MYRIP: variants seen among roughly 807,000 people sequenced by gnomAD.
The protein encoded by MYRIP is rab effector MyRIP.
Under a neutral mutation model 98.0 loss-of-function variants are expected in MYRIP, and 49 were observed. The observed-to-expected ratio is 0.50, with a 90% confidence interval of 0.40 to 0.63. The LOEUF is 0.63. MYRIP is among the 30% of genes least tolerant of loss of function. MYRIP has a pLI of 0.00. For synonymous variants in MYRIP, 404 were observed against 409.5 expected (o/e 0.99, Z 0.16); for missense variants, 1,004 against 1,058.2 (o/e 0.95, Z 0.71).
intron 1 of MYRIP, among the ~76,000 whole-genome samples, chr3:39,814,114 T>C (rs1940792067): frequency 6.6e-6 from 1 of 152,216 alleles, no homozygotes; most frequent in Non-Finnish European, 1.5e-5. Context: ...GAGTGTGTCT[T>C]GGGCATATAT....
At position 39,820,525 on chromosome 3, in the gene MYRIP, G is replaced by A. The variant is rs565600322; in HGVS notation, c.-31+10609G>A. ...TGTAGCTCCAGCCTCAGAAAATATGGCAGGTGCTGCTTTTGTGTTTGTCTT... is the reference window on the plus strand; with the variant it reads ...TGTAGCTCCAGCCTCAGAAAATATGACAGGTGCTGCTTTTGTGTTTGTCTT... On this transcript the variant is annotated intron_variant, in intron 1 of 16. Coordinates refer to ENST00000302541, the MANE Select transcript of MYRIP (RefSeq NM_015460.4). Among the ~76,000 whole-genome samples the A allele has an allele frequency of 1.4e-3, 206 of 152,212 alleles. 5 individuals are homozygous for A. The South Asian group carries it at 0.042, about 31-fold the overall frequency.
At chr3:40,024,457 T>C (rs1240289400) in intron 2 of MYRIP, among the ~76,000 whole-genome samples, 3 of 151,900 alleles carry the variant, frequency 2.0e-5, no homozygotes, top group African/African-American at 7.3e-5. Context: ...CAGAGAGAGA[T>C]GGGACAGTCA....
intron 1 of MYRIP, among the ~76,000 whole-genome samples, chr3:39,874,586 C>G (rs1488257423): frequency 1.7e-4 from 26 of 151,988 alleles, no homozygotes; most frequent in African/African-American, 6.0e-4. Flanking sequence ...TTTTCTGCAT[C>G]TTTTGAGATA....
At chr3:40,218,610 T>TA (rs59924117) in intron 11 of MYRIP, among the ~76,000 whole-genome samples, 2,004 of 5,806 alleles carry the variant, frequency 0.35, 115 homozygotes, top group African/African-American at 0.42. Flanking sequence ...TATATATATA[T>TA]TTTATATATA....
intron 3 of MYRIP, among the ~76,000 whole-genome samples, chr3:40,126,456 T>C (rs1300154053): frequency 6.6e-6 from 1 of 152,116 alleles, no homozygotes; most frequent in African/African-American, 2.4e-5. Context: ...AAGGAATGAA[T>C]GAGGGCTTAG....
At chr3:40,023,894 G>A (rs1947061434) in intron 2 of MYRIP, among the ~76,000 whole-genome samples, 1 of 152,136 alleles carries the variant, frequency 6.6e-6, no homozygotes, top group South Asian at 2.1e-4. Flanking sequence ...CATTTTCACA[G>A]GATGTAACAG....
chr3:39,886,573 A>T (rs1428757768), intron 1 of MYRIP, among the ~76,000 whole-genome samples: 1 of 151,898 alleles, frequency 6.6e-6, no homozygotes, highest in Admixed American at 6.6e-5. Context: ...AAACCAACAA[A>T]GATCAAAAGA....
chr3:39,821,550 T>C (rs1195081764), intron 1 of MYRIP, among the ~76,000 whole-genome samples: 1 of 152,176 alleles, frequency 6.6e-6, no homozygotes, highest in African/African-American at 2.4e-5. Context: ...GATTAATTCA[T>C]TAACTTACAG....
intron 9 of MYRIP, 27 bp downstream of exon 9, chr3:40,182,400 G>T (rs1950904506): frequency 1.3e-6 from 2 of 1,593,216 alleles, no homozygotes; most frequent in East Asian, 4.5e-5. Flanking sequence ...GTATCTAGTT[G>T]GTCTGTGGGT....
At chr3:39,878,342 G>A (rs143522201) in intron 1 of MYRIP, among the ~76,000 whole-genome samples, 16 of 152,244 alleles carry the variant, frequency 1.1e-4, no homozygotes, top group South Asian at 8.3e-4. Context: ...AGCACAGTGC[G>A]CTGCACCCAC....
At chr3:39,870,063 G>C (rs951837397) in intron 1 of MYRIP, among the ~76,000 whole-genome samples, 1 of 152,166 alleles carries the variant, frequency 6.6e-6, no homozygotes, top group African/African-American at 2.4e-5. Context: ...GGGAACTGCA[G>C]GGGGGTTGCC....
At chr3:40,236,649 C>T (rs541516756) in intron 12 of MYRIP, among the ~76,000 whole-genome samples, 8 of 152,334 alleles carry the variant, frequency 5.3e-5, no homozygotes, top group African/African-American at 1.9e-4. Flanking sequence ...TTTCCCAATA[C>T]TCCAGACCAA....
At chr3:40,044,927 A>G (rs1947638409) in intron 3 of MYRIP, among the ~76,000 whole-genome samples, 1 of 152,366 alleles carries the variant, frequency 6.6e-6, no homozygotes, top group South Asian at 2.1e-4. Context: ...CTCAGCGACC[A>G]GCAGAGCACT....
intron 8 of MYRIP, among the ~76,000 whole-genome samples, chr3:40,171,609 TG>T (rs1337246096): frequency 6.6e-6 from 1 of 152,252 alleles, no homozygotes; most frequent in African/African-American, 2.4e-5. Flanking sequence ...GCTTGGGCTC[TG>T]TCTCTGCCAC....
chr3:39,903,495 C>G (rs1441658506), intron 2 of MYRIP, among the ~76,000 whole-genome samples: 2 of 152,120 alleles, frequency 1.3e-5, no homozygotes, highest in East Asian at 1.9e-4. Flanking sequence ...TTATAATGAT[C>G]TGTTCTTCAG....
chr3:39,859,249 A>G (rs1385086601), intron 1 of MYRIP, among the ~76,000 whole-genome samples: 1 of 152,148 alleles, frequency 6.6e-6, no homozygotes, highest in African/African-American at 2.4e-5. Context: ...ACTGTAAACA[A>G]TTATAAACCA....
intron 3 of MYRIP, among the ~76,000 whole-genome samples, chr3:40,099,207 C>T (rs2125890168): frequency 6.6e-6 from 1 of 152,050 alleles, no homozygotes; most frequent in East Asian, 1.9e-4. Flanking sequence ...AAGAAAGTGT[C>T]TGGATTTACA....
chr3:40,213,310 A>G (rs1312584378), intron 11 of MYRIP, among the ~76,000 whole-genome samples: 1 of 152,224 alleles, frequency 6.6e-6, no homozygotes, highest in Non-Finnish European at 1.5e-5. Context: ...GGAATGAATT[A>G]TGTAGTGTAG....
chr3:39,901,093 G>T (rs1943731176), intron 2 of MYRIP, among the ~76,000 whole-genome samples, 167 bp downstream of exon 2: 1 of 152,210 alleles, frequency 6.6e-6, no homozygotes, highest in African/African-American at 2.4e-5. Flanking sequence ...AGAAATGTCA[G>T]TTCAGAAATG....
Sources: gnomAD v4.1 joint callset for allele counts (sites outside exome capture counted in the v4.1 genomes callset) on GRCh38, gnomAD v4.1.1 for gene constraint, MANE v1.5 for transcripts, NCBI Gene and HGNC (gene_info 2026-07-23, HGNC 2026-07-21) for gene names.